Variants in SLIRP observed in about 807,000 individuals in gnomAD.
SLIRP encodes SRA stem-loop-interacting RNA-binding protein, mitochondrial.
A neutral mutation model predicts 13.4 loss-of-function variants in SLIRP; 12 were observed. The ratio of observed to expected loss-of-function variants is 0.89; its 90% CI spans 0.57 to 1.45. SLIRP has a LOEUF of 1.45. SLIRP is among the 40% of genes most tolerant of loss of function. The probability of loss-of-function intolerance (pLI) is 0.00; values close to 1 mark genes in which losing one functional copy is unlikely to be tolerated. For missense variants in SLIRP, 154 were observed against 132.2 expected, an observed-to-expected ratio of 1.17 and a Z score of -0.81; for synonymous variants, 55 against 47.1, an observed-to-expected ratio of 1.17 and a Z score of -0.69.
intron 3 of SLIRP, among the ~76,000 whole-genome samples, chr14:77,716,617 G>C (rs176958): frequency 0.078 from 10,377 of 132,690 alleles, 654 homozygotes; most frequent in East Asian, 0.18. Context: ...ACTCCAGCCT[G>C]GGCAACAAGA....
At chr14:77,708,647 A>T (rs558978989) in intron 1 of SLIRP, among the ~76,000 whole-genome samples, 2 of 152,346 alleles carry the variant, frequency 1.3e-5, no homozygotes, top group African/African-American at 4.8e-5. Flanking sequence ...AGCAAATTAG[A>T]TGCCGTTTCG....
At chr14:77,716,143 C>T (rs982680809) in intron 3 of SLIRP, 58 of 235,576 alleles carry the variant, frequency 2.5e-4, no homozygotes, top group South Asian at 2.3e-3. Flanking sequence ...GGTGAAACCC[C>T]GTCTCTACTA....
chr14:77,715,715 C>T (rs1345818165), intron 2 of SLIRP, 57 bp from the exon 3 acceptor site: 3 of 1,413,722 alleles, frequency 2.1e-6, no homozygotes, highest in Non-Finnish European at 2.9e-6. Flanking sequence ...TGATTTGGAA[C>T]TCATGGAAAC....
chr14:77,712,060 AGTTT>A (rs1566821742), intron 2 of SLIRP: 1 of 152,156 alleles, frequency 6.6e-6, no homozygotes, highest in African/African-American at 2.4e-5. Flanking sequence ...TATTTGTGTT[AGTTT>A]TTTTATTGTT....
At chr14:77,709,136 C>G (rs2080419901) in intron 1 of SLIRP, among the ~76,000 whole-genome samples, 1 of 152,124 alleles carries the variant, frequency 6.6e-6, no homozygotes, top group Non-Finnish European at 1.5e-5. Context: ...ACGGGAGAGG[C>G]CTAGTCTACA....
At chr14:77,708,815 C>T (rs2080417067) in intron 1 of SLIRP, among the ~76,000 whole-genome samples, 1 of 152,138 alleles carries the variant, frequency 6.6e-6, no homozygotes, top group African/African-American at 2.4e-5. Flanking sequence ...TGTGAGGTTT[C>T]CGTCAGGCAA....
chr14:77,712,947 C>CATA (rs1161323304), intron 2 of SLIRP, among the ~76,000 whole-genome samples: 1 of 151,880 alleles, frequency 6.6e-6, no homozygotes, highest in Non-Finnish European at 1.5e-5. Context: ...TTATACAGAA[C>CATA]ATAATCACAG....
At chr14:77,710,201 G>A (rs1256120709) in intron 1 of SLIRP, among the ~76,000 whole-genome samples, 1 of 152,154 alleles carries the variant, frequency 6.6e-6, no homozygotes, top group Non-Finnish European at 1.5e-5. Context: ...ACTGTGATAG[G>A]AGCCCAATAA....
intron 2 of SLIRP, among the ~76,000 whole-genome samples, chr14:77,714,839 A>G (rs1264445131): frequency 6.6e-6 from 1 of 152,222 alleles, no homozygotes; most frequent in Non-Finnish European, 1.5e-5. Flanking sequence ...CCAGTTTGTC[A>G]TCTACAGGGA....
chr14:77,710,493 A>G (rs2080431354), intron 1 of SLIRP: 3 of 1,003,022 alleles, frequency 3.0e-6, no homozygotes, highest in Non-Finnish European at 4.2e-6. Context: ...GGAAATCTTC[A>G]GTATACCGGG....
Position 77,717,550 on chromosome 14 carries a change from A to G in SLIRP, c.319A>G (p.Lys107Glu), listed in dbSNP as rs772229374. ...TCCGCAAACATCTGATGATGAAAAG[A>G]AAGATTTTTGAGACTGCAGCCTATT... ...KLPQTSDDEK[K>E]DF The change falls in exon 4 of 4, where the codon AAA (lysine) becomes GAA (glutamate). Residue 107 changes from lysine to glutamate, a missense_variant. Coordinates refer to ENST00000557342, the MANE Select transcript of SLIRP (RefSeq NM_031210.6). 1.2e-6 allele frequency: 2 copies of G among 1,613,888 alleles called. No homozygotes were observed. The highest frequency in any genetic ancestry group is 2.2e-5 in the East Asian group (1 of 44,876).
chr14:77,713,755 A>C (rs1248501254), intron 2 of SLIRP, among the ~76,000 whole-genome samples: 1 of 152,218 alleles, frequency 6.6e-6, no homozygotes, highest in African/African-American at 2.4e-5. Flanking sequence ...TATATAGTTG[A>C]ATAGAAAAGT....
chr14:77,710,451 T>G (rs2080431205), intron 1 of SLIRP: 1 of 616,692 alleles, frequency 1.6e-6, no homozygotes, highest in Non-Finnish European at 2.6e-6. Flanking sequence ...TTTTACTAAA[T>G]TGTGAAAGAC....
intron 1 of SLIRP, among the ~76,000 whole-genome samples, chr14:77,709,555 C>T (rs923650769): frequency 1.3e-5 from 2 of 152,194 alleles, no homozygotes. Flanking sequence ...GCATTATGTA[C>T]AGCTTCGAAA....
In SLIRP at chr14:77,715,702, G is replaced by A. The variant is rs2080470891; in HGVS notation, c.157-70G>A. 8 of 1,302,996 alleles carry A rather than the reference G, an allele frequency of 6.1e-6. No individual in the cohort carries two copies. The South Asian group carries it at 9.1e-5, about 15-fold the overall frequency. The allele number at this position is 1,302,996 out of a possible 1,614,324, so 80.7% of individuals were successfully genotyped here. On this transcript the variant is annotated intron_variant, in intron 2 of 3. Coordinates refer to ENST00000557342, the MANE Select transcript of SLIRP (RefSeq NM_031210.6). ...TTTTTGGCAGATGAAAAAGTTGGTA[G>A]TTTGATTTGGAACTCATGGAAACTT...
chr14:77,711,968 A>C (rs561757738), intron 2 of SLIRP: 2 of 152,472 alleles, frequency 1.3e-5, no homozygotes, highest in African/African-American at 4.8e-5. Context: ...TACAGGCGTG[A>C]GCCACTGTGC....
Position 77,710,852 on chromosome 14 carries a change from C to A in SLIRP, c.112C>A (p.His38Asn), listed in dbSNP as rs751989967. 34 of 1,613,994 alleles carry A rather than the reference C, an allele frequency of 2.1e-5. No individual in the cohort carries two copies. Among genetic ancestry groups the A allele is most frequent in the African/African-American group, 2.7e-5 (2 of 74,892 alleles). ...WTAASSQLKE[H>N]FAQFGHVRRC... ...CTGCCACACAGGTCAGCTGAAAGAACACTTTGCACAGTTCGGCCATGTCAG... is the reference window on the plus strand; with the variant it reads ...CTGCCACACAGGTCAGCTGAAAGAAAACTTTGCACAGTTCGGCCATGTCAG... Residue 38 changes from histidine (H) to asparagine (N), a missense_variant, in exon 2 of 4, where the codon CAC becomes AAC. Coordinates refer to ENST00000557342, the MANE Select transcript of SLIRP (RefSeq NM_031210.6).
chr14:77,709,309 T>G (rs2080421814), intron 1 of SLIRP, among the ~76,000 whole-genome samples: 1 of 152,236 alleles, frequency 6.6e-6, no homozygotes, highest in Non-Finnish European at 1.5e-5. Context: ...GGAAACAAAA[T>G]GGAGCAAGAT....
chr14:77,713,481 G>T (rs1232809290), intron 2 of SLIRP, among the ~76,000 whole-genome samples: 1 of 152,136 alleles, frequency 6.6e-6, no homozygotes, highest in Admixed American at 6.5e-5. Flanking sequence ...ATATAGTGCC[G>T]GTGAAGGTGT....
Sources: gnomAD v4.1 joint callset for allele counts (sites outside exome capture counted in the v4.1 genomes callset) on GRCh38, gnomAD v4.1.1 for gene constraint, MANE v1.5 for transcripts, NCBI Gene and HGNC (gene_info 2026-07-23, HGNC 2026-07-21) for gene names.